The following ERI2 variants were observed in gnomAD, a reference collection of about 807,000 sequenced individuals.
ERI2 encodes ERI1 exoribonuclease 2.
ERI2 carries 35 observed loss-of-function variants against 46.8 expected under a neutral mutation model. The observed-to-expected ratio is 0.75, with a 90% CI of 0.57 to 0.99. The LOEUF (loss-of-function observed/expected upper bound fraction) is 0.99, where lower values mean the gene tolerates loss of function less well. Among genes scored for constraint, ERI2 ranks in the 50% least tolerant of loss-of-function variants. The pLI is 0.00. For missense variants in ERI2, 695 were observed against 796.2 expected (o/e 0.87, Z 1.53); for synonymous variants, 224 against 271.0 (o/e 0.83, Z 1.70).
intron 4 of ERI2, among the ~76,000 whole-genome samples, chr16:20,802,225 C>T (rs2080803559): frequency 1.3e-5 from 2 of 151,644 alleles, no homozygotes; most frequent in South Asian, 2.1e-4. Context: ...ACCTATAGTC[C>T]CAGTTACTCA....
intron 1 of ERI2, chr16:20,805,843 G>A (rs2080860784): frequency 4.1e-6 from 2 of 491,988 alleles, no homozygotes; most frequent in Non-Finnish European, 5.3e-6. Flanking sequence ...CCAGCCAAAG[G>A]AAACCGGACA....
downstream of ERI2, among the ~76,000 whole-genome samples, chr16:20,795,672 G>C (rs1383681319): frequency 2.6e-5 from 4 of 152,170 alleles, no homozygotes; most frequent in Non-Finnish European, 5.9e-5. Context: ...CCAGCTCCGG[G>C]CTGGTAATCT....
intron 1 of ERI2, among the ~76,000 whole-genome samples, chr16:20,804,353 T>G (rs1348335202): frequency 6.6e-6 from 1 of 152,042 alleles, no homozygotes; most frequent in Non-Finnish European, 1.5e-5. Flanking sequence ...TCTTCCAGTT[T>G]AAAAATCTGG....
chr16:20,786,147 T>G, intron 10 of ERI2: 1 of 1,610,264 alleles, frequency 6.2e-7, no homozygotes, highest in Non-Finnish European at 8.5e-7. Context: ...TTCTCCTGCT[T>G]TCGATGTTAA....
chr16:20,800,929 C>T (rs373974978), intron 5 of ERI2, among the ~76,000 whole-genome samples: 3 of 151,958 alleles, frequency 2.0e-5, no homozygotes, highest in East Asian at 3.9e-4. Context: ...AGAGTGTTCA[C>T]TAAATCATCT....
chr16:20,790,977 A>G lies in ERI2; in HGVS notation c.733-45T>C. 2.5e-6 allele frequency: 4 copies of G among 1,584,800 alleles called. No homozygotes were observed. The highest frequency in any genetic ancestry group is 3.4e-6 in the Non-Finnish European group (4 of 1,163,164). Reference sequence around the variant, plus strand: ...TTAACATCCCCTGATCCTCTCAATTATCAAACAAAACCCACTCATTTTCCT... The same window carrying G: ...TTAACATCCCCTGATCCTCTCAATTGTCAAACAAAACCCACTCATTTTCCT... On this transcript the variant is annotated intron_variant, in intron 8 of 10. Coordinates refer to the ERI2 transcript ENST00000300005. The surrounding 1 kb of genome is among the most constrained non-coding windows in gnomAD (Gnocchi z 4.0).
Position 20,798,639 on chromosome 16 carries a change from A to C in ERI2, c.1161T>G (p.Val387=), listed in dbSNP as rs1003512394. ...TCATTTCCAAATCAGAAACATGATGAACAGTTGGAACGGTGGTAGAAACAA... is the reference window on the plus strand; with the variant it reads ...TCATTTCCAAATCAGAAACATGATGCACAGTTGGAACGGTGGTAGAAACAA... ...LVLVSTTVPT[V]HHVSDLEMSS... Residue 387 remains valine (V), a synonymous_variant, in exon 9 of 9, where the codon GTT becomes GTG. Coordinates refer to ENST00000357967, the MANE Select transcript of ERI2 (RefSeq NM_001142725.2). 1 of 1,551,562 alleles carries C rather than the reference A, an allele frequency of 6.4e-7. No homozygotes were observed. Among genetic ancestry groups the C allele is most frequent in the Non-Finnish European group, 8.7e-7 (1 of 1,146,940 alleles).
At chr16:20,801,053 G>T in intron 5 of ERI2, 150 bp downstream of exon 5, 1 of 545,220 alleles carries the variant, frequency 1.8e-6, no homozygotes, top group Non-Finnish European at 2.9e-6. Context: ...ACTTTTCTTG[G>T]CTAACATCTG....
At chr16:20,791,357 TTTAC>T (rs1380176088), downstream of ERI2, among the ~76,000 whole-genome samples, 1 of 152,214 alleles carries the variant, frequency 6.6e-6, no homozygotes, top group Non-Finnish European at 1.5e-5. Context: ...CTCTTGAGTA[TTTAC>T]TTCTCTCTTT....
intron 10 of ERI2, among the ~76,000 whole-genome samples, chr16:20,788,489 C>A (rs2080523216): frequency 6.6e-6 from 1 of 152,144 alleles, no homozygotes; most frequent in South Asian, 2.1e-4. Flanking sequence ...ACTTTTTCTG[C>A]ATCCCCAGTC....
downstream of ERI2, chr16:20,796,266 G>A: frequency 1.3e-6 from 2 of 1,501,378 alleles, no homozygotes; most frequent in Non-Finnish European, 1.8e-6. Flanking sequence ...AAACACACTG[G>A]CCCACCCCAC....
chr16:20,781,889 A>C, intron 10 of ERI2: 1 of 866,904 alleles, frequency 1.2e-6, no homozygotes, highest in East Asian at 2.6e-5. Flanking sequence ...AAGCCAGTAG[A>C]CACAGGATTT....
chr16:20,805,968 T>C, intron 1 of ERI2: 2 of 1,038,466 alleles, frequency 1.9e-6, no homozygotes, highest in Non-Finnish European at 2.3e-6. Flanking sequence ...AAAATGGCCT[T>C]ACTAAATAAA....
At chr16:20,782,387 TC>T (rs2080371334) in intron 10 of ERI2, among the ~76,000 whole-genome samples, 1 of 152,134 alleles carries the variant, frequency 6.6e-6, no homozygotes, top group East Asian at 1.9e-4. Context: ...CTTTTATCCC[TC>T]ACCCACCTCC....
In ERI2 at chr16:20,782,381, T is replaced by C. The variant is rs555517974; in HGVS notation, c.895-1647A>G. On this transcript the variant is annotated intron_variant, in intron 10 of 10. Transcript: ENST00000300005. ...ACACTGTACTCAATGTATAGTCTTT[T>C]ATCCCTCACCCACCTCCCACCCTTT... 2.6e-5 allele frequency among the ~76,000 whole-genome samples: 4 copies of C among 152,288 alleles called. No homozygotes were observed. The South Asian group carries it at 8.3e-4, about 32-fold the overall frequency.
intron 10 of ERI2, chr16:20,785,251 ACCT>A: frequency 3.5e-6 from 4 of 1,140,246 alleles, no homozygotes; most frequent in Admixed American, 5.5e-5. Context: ...GCTTGCAAGA[ACCT>A]AATTGCAAAA....
downstream of ERI2, chr16:20,796,210 G>A: frequency 2.4e-6 from 3 of 1,262,630 alleles, no homozygotes; most frequent in Non-Finnish European, 3.2e-6. Flanking sequence ...GTACAGACCA[G>A]GAAGTGGCTG....
In ERI2 at chr16:20,799,279, G is replaced by A; in HGVS notation, c.716C>T (p.Thr239Ile). 3 of 1,613,694 alleles carry A rather than the reference G, an allele frequency of 1.9e-6. No homozygotes were observed. Among genetic ancestry groups the A allele is most frequent in the Non-Finnish European group, 1.7e-6 (2 of 1,179,732 alleles). Reference sequence around the variant, plus strand: ...ACTACTAACCTTGTTCAACGACCTTGTAATTTTCATTACACAACCATCTCT... The same window carrying A: ...ACTACTAACCTTGTTCAACGACCTTATAATTTTCATTACACAACCATCTCT... ...MIRDGCVMKI[T>I]RSLNKVPTKK... Residue 239 changes from threonine (T) to isoleucine (I), a missense_variant, in exon 8 of 9, where the codon ACA (threonine) becomes ATA (isoleucine). Thr to Ile is a moderately conservative substitution (Grantham distance 89). Transcript: ENST00000357967.
chr16:20,795,011 C>G (rs2080690849), downstream of ERI2, among the ~76,000 whole-genome samples: 1 of 152,196 alleles, frequency 6.6e-6, no homozygotes, highest in South Asian at 2.1e-4. Flanking sequence ...TCACTTACAA[C>G]AAGCATAATT....
Sources: gnomAD v4.1 joint callset for allele counts (sites outside exome capture counted in the v4.1 genomes callset) on GRCh38, gnomAD v4.1.1 for gene constraint, Gnocchi (gnomAD v3.1) non-coding constraint, MANE v1.5 for transcripts, NCBI Gene and HGNC (gene_info 2026-07-23, HGNC 2026-07-21) for gene names.